Variants in IL1RAPL1 observed in about 807,000 individuals in gnomAD.
IL1RAPL1 encodes the protein interleukin-1 receptor accessory protein-like 1.
In IL1RAPL1, 3 loss-of-function variants were observed where a neutral mutation model predicts 48.4. The observed-to-expected ratio is 0.06, with a 90% CI of 0.03 to 0.16. The LOEUF (loss-of-function observed/expected upper bound fraction) is 0.16, where lower values mean the gene tolerates loss of function less well. Among genes scored for constraint, IL1RAPL1 ranks in the 10% least tolerant of loss-of-function variants. The pLI is 1.00. For missense variants in IL1RAPL1, 349 were observed against 530.6 expected (o/e 0.66, Z 3.36); for synonymous variants, 185 against 187.7 (o/e 0.99, Z 0.12).
chrX:29,634,549 C>T (rs1016208483), intron 5 of IL1RAPL1, among the ~76,000 whole-genome samples: 1 of 111,083 alleles, frequency 9.0e-6, no homozygotes, highest in Non-Finnish European at 1.9e-5. Flanking sequence ...CAGTTGGGCT[C>T]ATACCCTAGT....
intron 5 of IL1RAPL1, among the ~76,000 whole-genome samples, chrX:29,400,836 C>G (rs1421913086): frequency 8.9e-6 from 1 of 111,831 alleles, no homozygotes; most frequent in African/African-American, 3.3e-5. Flanking sequence ...AGTATTGAGG[C>G]AAAGGAATTT....
intron 5 of IL1RAPL1, among the ~76,000 whole-genome samples, chrX:29,614,937 C>T (rs6630921): frequency 7.7e-4 from 83 of 107,317 alleles, no homozygotes; most frequent in African/African-American, 1.0e-3. Flanking sequence ...TCCATCCAGC[C>T]TGAGCAACAG....
chrX:29,741,690 G>A (rs1329077975), intron 6 of IL1RAPL1, among the ~76,000 whole-genome samples: 1 of 109,431 alleles, frequency 9.1e-6, no homozygotes, highest in Non-Finnish European at 1.9e-5. Flanking sequence ...GGAGGTCGAG[G>A]TGGGCGGATC....
At chrX:28,639,628 T>A (rs182252981) in intron 1 of IL1RAPL1, among the ~76,000 whole-genome samples, 81 of 111,255 alleles carry the variant, frequency 7.3e-4, no homozygotes, top group African/African-American at 2.5e-3. Context: ...GCAAGTAATT[T>A]ATTAAGGAAG....
chrX:29,529,132 A>T (rs1935585300), intron 5 of IL1RAPL1, among the ~76,000 whole-genome samples: 1 of 111,794 alleles, frequency 8.9e-6, no homozygotes, highest in Non-Finnish European at 1.9e-5. Flanking sequence ...TTTCATGGTC[A>T]TAAATGATAT....
At chrX:29,256,503 A>C (rs1026137469) in intron 2 of IL1RAPL1, among the ~76,000 whole-genome samples, 2 of 111,688 alleles carry the variant, frequency 1.8e-5, no homozygotes, top group African/African-American at 6.5e-5. Flanking sequence ...ATAGGAAGAT[A>C]TGTTAATTGC....
intron 5 of IL1RAPL1, among the ~76,000 whole-genome samples, chrX:29,600,463 G>T (rs1434678327): frequency 8.9e-6 from 1 of 111,923 alleles, no homozygotes; most frequent in Admixed American, 9.4e-5. Context: ...GTCCTTGGTT[G>T]TATTTTTGTT....
intron 3 of IL1RAPL1, among the ~76,000 whole-genome samples, chrX:29,390,397 T>TA (rs2147681718): frequency 8.9e-6 from 1 of 112,075 alleles, no homozygotes; most frequent in South Asian, 3.7e-4. Context: ...CAGTGAATGT[T>TA]AGAGTAGACC....
intron 1 of IL1RAPL1, among the ~76,000 whole-genome samples, chrX:28,636,241 TC>T (rs1934463539): frequency 1.8e-5 from 2 of 111,891 alleles, no homozygotes. Flanking sequence ...ATAAGTTTAC[TC>T]ATTAAGCATT....
At chrX:29,069,366 G>A (rs1023315759) in intron 2 of IL1RAPL1, among the ~76,000 whole-genome samples, 33 of 111,397 alleles carry the variant, frequency 3.0e-4, no homozygotes, top group African/African-American at 9.8e-4. Context: ...ATTTGGGAAC[G>A]TAATCGAATG....
At chrX:29,050,355 T>G (rs191691135) in intron 2 of IL1RAPL1, among the ~76,000 whole-genome samples, 2 of 112,177 alleles carry the variant, frequency 1.8e-5, no homozygotes, top group Admixed American at 1.9e-4. Flanking sequence ...GGTACTATTA[T>G]GATTCTCTTT....
At chrX:29,259,490 G>T (rs1431796358) in intron 2 of IL1RAPL1, among the ~76,000 whole-genome samples, 1 of 110,660 alleles carries the variant, frequency 9.0e-6, no homozygotes, top group Non-Finnish European at 1.9e-5. Context: ...ATATACTCCT[G>T]TTGGCCAGAT....
At chrX:29,330,863 G>T (rs970834705) in intron 3 of IL1RAPL1, among the ~76,000 whole-genome samples, 1 of 111,658 alleles carries the variant, frequency 9.0e-6, no homozygotes, top group African/African-American at 3.3e-5. Context: ...GTGAAAGGGG[G>T]TATTACTAAT....
At chrX:29,540,090 A>G (rs1297855265) in intron 5 of IL1RAPL1, among the ~76,000 whole-genome samples, 2 of 112,018 alleles carry the variant, frequency 1.8e-5, no homozygotes, top group African/African-American at 6.5e-5. Context: ...GTTTTAAGAT[A>G]CAAAACCAGT....
intron 2 of IL1RAPL1, among the ~76,000 whole-genome samples, chrX:28,947,205 T>C (rs1924327650): frequency 1.8e-5 from 2 of 111,922 alleles, no homozygotes; most frequent in Admixed American, 9.5e-5. Context: ...TGTGTGTGTA[T>C]GTATGTACAT....
chrX:29,124,198 A>G, intron 2 of IL1RAPL1, among the ~76,000 whole-genome samples: 1 of 112,225 alleles, frequency 8.9e-6, no homozygotes, highest in Non-Finnish European at 1.9e-5. Context: ...TCCTCATTTA[A>G]TGCTTGAGTC....
chrX:29,657,404 C>G (rs1232188175), intron 5 of IL1RAPL1, among the ~76,000 whole-genome samples: 1 of 111,809 alleles, frequency 8.9e-6, no homozygotes, highest in Non-Finnish European at 1.9e-5. Flanking sequence ...AATGAGTAAT[C>G]ATGCAGGACT....
intron 5 of IL1RAPL1, among the ~76,000 whole-genome samples, chrX:29,646,329 A>C (rs1246682927): frequency 1.8e-5 from 2 of 112,280 alleles, no homozygotes; most frequent in Admixed American, 9.4e-5. Context: ...TGCAACAGAG[A>C]GAATCAACAA....
intron 2 of IL1RAPL1, among the ~76,000 whole-genome samples, chrX:29,240,193 CACATATATATATAT>C (rs1281915870): frequency 2.7e-5 from 1 of 36,638 alleles, no homozygotes; most frequent in Non-Finnish European, 4.5e-5. Context: ...TACACACACA[CACATATATATATAT>C]ATATATATAT....
Sources: allele counts gnomAD v4.1 joint callset (sites outside exome capture counted in the v4.1 genomes callset), GRCh38; gene constraint gnomAD v4.1.1; transcripts MANE v1.5; gene names NCBI Gene and HGNC (gene_info 2026-07-23, HGNC 2026-07-21).